The following PPFIBP2 variants were observed in gnomAD, a reference collection of about 807,000 sequenced individuals.
PPFIBP2 encodes liprin-beta-2.
In PPFIBP2, 118 loss-of-function variants were observed where a neutral mutation model predicts 118.3. The ratio of observed to expected loss-of-function variants is 1.00; its 90% CI spans 0.86 to 1.16. The LOEUF (loss-of-function observed/expected upper bound fraction) is 1.16. PPFIBP2 is among the 50% of genes most tolerant of loss of function. The pLI, the probability that PPFIBP2 is intolerant of heterozygous loss-of-function variation, is 0.00. For missense variants in PPFIBP2, 1,195 were observed against 1,073.1 expected, an observed-to-expected ratio of 1.11 and a Z score of -1.59; for synonymous variants, 414 against 397.4, an observed-to-expected ratio of 1.04 and a Z score of -0.50.
At chr11:7,642,770 T>C (rs1438489759) in intron 17 of PPFIBP2, among the ~76,000 whole-genome samples, 2 of 152,242 alleles carry the variant, frequency 1.3e-5, no homozygotes, top group Non-Finnish European at 2.9e-5. Flanking sequence ...GGTTATGATA[T>C]GTATCATTCA....
chr11:7,630,555 G>T (rs537286791), intron 10 of PPFIBP2, among the ~76,000 whole-genome samples: 2 of 152,228 alleles, frequency 1.3e-5, no homozygotes, highest in South Asian at 4.1e-4. Flanking sequence ...TAAGTGATCC[G>T]CCTGCCTCAG....
chr11:7,591,577 C>T (rs1032230918), intron 3 of PPFIBP2, among the ~76,000 whole-genome samples: 2 of 151,726 alleles, frequency 1.3e-5, no homozygotes, highest in Non-Finnish European at 2.9e-5. Flanking sequence ...CAACAATAAA[C>T]TGCCATTAAC....
At chr11:7,597,487 C>G (rs1041304819) in intron 4 of PPFIBP2, 73 bp from the exon 5 acceptor site, 54 of 1,539,882 alleles carry the variant, frequency 3.5e-5, no homozygotes, top group Non-Finnish European at 4.8e-5. Flanking sequence ...TAACGGCTCC[C>G]CTGAGGTGGG....
intron 2 of PPFIBP2, among the ~76,000 whole-genome samples, chr11:7,560,585 G>T (rs1168236159): frequency 6.6e-6 from 1 of 152,154 alleles, no homozygotes; most frequent in East Asian, 1.9e-4. Flanking sequence ...TGAAAATTAA[G>T]ATGCTGCTGA....
chr11:7,610,560 T>G, intron 6 of PPFIBP2, 138 bp downstream of exon 6: 1 of 1,214,716 alleles, frequency 8.2e-7, no homozygotes, highest in Non-Finnish European at 1.1e-6. Context: ...CAGTGATCTG[T>G]TAATACCAAG....
At position 7,565,668 on chromosome 11, in the gene PPFIBP2, C is replaced by T. The variant is rs76024639; in HGVS notation, c.180C>T (p.Ala60=). 5.2e-4 allele frequency: 840 copies of T among 1,614,208 alleles called. 6 individuals carry two copies. The African/African-American group carries it at 0.01, about 20-fold the overall frequency. ...ATCTCATCGAGGACTTGAGGCTGGC[C>T]TTGGAGATGCTGGAGCTTCCTCAGG... ...VLHLIEDLRL[A]LEMLELPQER... is the part of the protein sequence containing the mutation. Residue 60 remains alanine, a synonymous_variant, in exon 3 of 24, where the codon GCC becomes GCT. Coordinates refer to ENST00000299492, the MANE Select transcript of PPFIBP2 (RefSeq NM_003621.5).
chr11:7,559,620 T>G (rs1348829194), intron 2 of PPFIBP2, among the ~76,000 whole-genome samples: 1 of 152,162 alleles, frequency 6.6e-6, no homozygotes, highest in Non-Finnish European at 1.5e-5. Flanking sequence ...TGTGGTATTA[T>G]AAACACCTAG....
intron 1 of PPFIBP2, among the ~76,000 whole-genome samples, chr11:7,538,713 G>T (rs984942574): frequency 8.9e-5 from 13 of 146,264 alleles, no homozygotes; most frequent in African/African-American, 2.9e-4. Flanking sequence ...GCCTGACAGG[G>T]AGTGGCTGGG....
intron 1 of PPFIBP2, among the ~76,000 whole-genome samples, chr11:7,546,575 C>T (rs1197228442): frequency 6.6e-6 from 1 of 152,218 alleles, no homozygotes; most frequent in East Asian, 1.9e-4. Context: ...GCATCCAGGC[C>T]CCTGATGCTG....
chr11:7,610,197 C>T, intron 5 of PPFIBP2, 94 bp from the exon 6 acceptor site: 1 of 1,439,436 alleles, frequency 6.9e-7, no homozygotes, highest in Non-Finnish European at 9.6e-7. Context: ...GTTGAACACA[C>T]AACTTAGGTG....
At chr11:7,577,347 GTGTGTT>G in intron 3 of PPFIBP2, 4 of 344,822 alleles carry the variant, frequency 1.2e-5, no homozygotes, top group African/African-American at 6.5e-5. Flanking sequence ...GTGTGTGTGT[GTGTGTT>G]TGTTGGGGTG....
chr11:7,542,577 TCTG>T (rs752898785), intron 1 of PPFIBP2, among the ~76,000 whole-genome samples: 2 of 152,234 alleles, frequency 1.3e-5, no homozygotes, highest in Non-Finnish European at 2.9e-5. Context: ...AAATGCTTGT[TCTG>T]CTGCTTTATT....
At chr11:7,629,991 A>T (rs1850542216) in intron 10 of PPFIBP2, among the ~76,000 whole-genome samples, 1 of 152,238 alleles carries the variant, frequency 6.6e-6, no homozygotes, top group South Asian at 2.1e-4. Flanking sequence ...GAGTTGCTAT[A>T]GGAAGTCACA....
Position 7,627,746 on chromosome 11 carries a change from T to C in PPFIBP2, c.827-539T>C, listed in dbSNP as rs192996745. 1.6e-3 allele frequency among the ~76,000 whole-genome samples: 242 copies of C among 152,372 alleles called. 1 individual carries two copies. The highest frequency in any genetic ancestry group is 2.8e-3 in the Non-Finnish European group (188 of 68,042). On this transcript the variant is annotated intron_variant, in intron 8 of 23. Coordinates refer to ENST00000299492, the MANE Select transcript of PPFIBP2 (RefSeq NM_003621.5). ...AACCCAGCATTTGCATATATGTATATATCCCAATACATCTAAACATTTGTT... is the reference window on the plus strand; with the variant it reads ...AACCCAGCATTTGCATATATGTATACATCCCAATACATCTAAACATTTGTT...
At chr11:7,608,044 G>A (rs1307700762) in intron 5 of PPFIBP2, among the ~76,000 whole-genome samples, 1 of 152,112 alleles carries the variant, frequency 6.6e-6, no homozygotes, top group East Asian at 1.9e-4. Flanking sequence ...AGATACTCAC[G>A]TACTCAAGAC....
intron 2 of PPFIBP2, among the ~76,000 whole-genome samples, chr11:7,554,303 G>C (rs568258329): frequency 6.6e-6 from 1 of 152,236 alleles, no homozygotes; most frequent in South Asian, 2.1e-4. Context: ...AAACAACACA[G>C]ATTCCTACTA....
Position 7,631,035 on chromosome 11 carries a change from T to G in PPFIBP2, c.1068+7T>G. Reference sequence around the variant, plus strand: ...AGAATTATTTAAACAAGAGGTACTGTGTTTCCATCCATGACGTAGGGTTTC... The same window carrying G: ...AGAATTATTTAAACAAGAGGTACTGGGTTTCCATCCATGACGTAGGGTTTC... On this transcript the variant is annotated splice_region_variant and intron_variant, in intron 11 of 23. Coordinates refer to ENST00000299492, the MANE Select transcript of PPFIBP2 (RefSeq NM_003621.5). 2 of 1,608,254 alleles carry G rather than the reference T, an allele frequency of 1.2e-6. No individual in the cohort carries two copies. The highest frequency in any genetic ancestry group is 1.7e-6 in the Non-Finnish European group (2 of 1,174,656).
chr11:7,666,584 A>AG, the PPFIBP2 span: 1 of 1,507,590 alleles, frequency 6.6e-7, no homozygotes, highest in Non-Finnish European at 9.2e-7. Context: ...AAGCCCCTCC[A>AG]GGGCCATCCT....
chr11:7,536,462 G>A, intron 1 of PPFIBP2, among the ~76,000 whole-genome samples: 1 of 152,162 alleles, frequency 6.6e-6, no homozygotes, highest in Non-Finnish European at 1.5e-5. Flanking sequence ...TGCAGATTCA[G>A]TTTGGAGGGG....
Sources: gnomAD v4.1 joint callset for allele counts (sites outside exome capture counted in the v4.1 genomes callset) on GRCh38, gnomAD v4.1.1 for gene constraint, MANE v1.5 for transcripts, NCBI Gene and HGNC (gene_info 2026-07-23, HGNC 2026-07-21) for gene names.